ZRANB3: variants seen among roughly 807,000 people sequenced by gnomAD.
ZRANB3 encodes the protein zinc finger RANBP2-type containing 3, also known as DNA annealing helicase and endonuclease ZRANB3.
Under a neutral mutation model 133.8 loss-of-function variants are expected in ZRANB3, and 125 were observed. That is an observed-to-expected ratio of 0.93 (90% CI 0.81 to 1.08). The LOEUF (loss-of-function observed/expected upper bound fraction) is 1.08, where lower values mean the gene tolerates loss of function less well. Among genes scored for constraint, ZRANB3 ranks in the 50% least tolerant of loss-of-function variants. The pLI, the probability that ZRANB3 is intolerant of heterozygous loss-of-function variation, is 0.00. For missense variants in ZRANB3, 1,229 were observed against 1,275.5 expected (o/e 0.96, Z 0.56); for synonymous variants, 387 against 432.7 (o/e 0.89, Z 1.31).
intron 1 of ZRANB3, among the ~76,000 whole-genome samples, chr2:135,517,136 T>A (rs1263285182): frequency 6.6e-6 from 1 of 152,030 alleles, no homozygotes; most frequent in East Asian, 1.9e-4. Context: ...TCATTTATGT[T>A]CTTCTCTAAA....
Position 135,227,948 on chromosome 2 carries a change from G to A in ZRANB3, c.2022C>T (p.Thr674=), listed in dbSNP as rs568807221. The A allele has an allele frequency of 4.6e-5, 72 of 1,552,724 alleles. 1 individual carries two copies. In the South Asian group the frequency reaches 8.1e-4, roughly 17 times the overall value. Residue 674 remains threonine, a synonymous_variant, in exon 14 of 21, where the codon ACC becomes ACT. Coordinates refer to ENST00000264159, the MANE Select transcript of ZRANB3 (RefSeq NM_032143.4). ...KNEKDDSQKD[T]SKKVQTISDC... Reference sequence around the variant, plus strand: ...CTGAGATAGTTTGAACCTTTTTGGAGGTGTCTTTCTGAGAATCATCCTTCT... The same window carrying A: ...CTGAGATAGTTTGAACCTTTTTGGAAGTGTCTTTCTGAGAATCATCCTTCT...
chr2:135,516,290 T>C (rs143834184), intron 1 of ZRANB3, among the ~76,000 whole-genome samples: 3,969 of 152,272 alleles, frequency 0.026, 160 homozygotes, highest in African/African-American at 0.089. Context: ...TTGTTATATG[T>C]GAATCTGATC....
At chr2:135,468,981 C>T (rs759388735) in intron 2 of ZRANB3, among the ~76,000 whole-genome samples, 8 of 151,970 alleles carry the variant, frequency 5.3e-5, no homozygotes, top group Non-Finnish European at 7.4e-5. Context: ...GAACCATACA[C>T]GTTAAAGTAT....
chr2:135,499,387 A>G (rs1044521424), intron 2 of ZRANB3, among the ~76,000 whole-genome samples: 26 of 152,314 alleles, frequency 1.7e-4, no homozygotes, highest in African/African-American at 6.0e-4. Context: ...AGAAGACATC[A>G]TTAAGACAAG....
intron 3 of ZRANB3, among the ~76,000 whole-genome samples, chr2:135,366,474 T>C (rs139918262): frequency 6.6e-6 from 1 of 152,156 alleles, no homozygotes; most frequent in East Asian, 1.9e-4. Context: ...ATGAGTTGAG[T>C]AGTTTCAAAA....
rs769046931 is a variant in ZRANB3, at chr2:135,207,872, G to A, written c.2607-36C>T. 6 of 1,549,276 alleles carry A rather than the reference G, an allele frequency of 3.9e-6. No homozygotes were observed. In the East Asian group the frequency reaches 1.4e-4, roughly 35 times the overall value. ...TAAAAACACTGAATAGGTAACTAAT[G>A]AATGATTAGGCTAAATAGTAATTGC... On this transcript the variant is annotated intron_variant, in intron 18 of 20. Transcript: ENST00000264159.
At chr2:135,405,974 G>A (rs1300144634) in intron 2 of ZRANB3, among the ~76,000 whole-genome samples, 2 of 152,112 alleles carry the variant, frequency 1.3e-5, no homozygotes, top group South Asian at 2.1e-4. Context: ...TAAGATCAGA[G>A]TAGAACTGAA....
chr2:135,387,700 G>A (rs536864194), intron 3 of ZRANB3, among the ~76,000 whole-genome samples: 99 of 152,198 alleles, frequency 6.5e-4, no homozygotes, highest in African/African-American at 2.2e-3. Context: ...AAAGAGAGAA[G>A]TAATTAAGTA....
chr2:135,510,505 G>A (rs1284110709), intron 1 of ZRANB3: 11 of 579,158 alleles, frequency 1.9e-5, no homozygotes, highest in African/African-American at 3.8e-5. Flanking sequence ...CCATTCTGTA[G>A]GAGCTAGGGT....
intron 19 of ZRANB3, among the ~76,000 whole-genome samples, chr2:135,204,055 G>C (rs1693746157): frequency 1.3e-5 from 2 of 152,156 alleles, no homozygotes; most frequent in Non-Finnish European, 1.5e-5. Flanking sequence ...CTGGCCATGG[G>C]AACCCATGAT....
chr2:135,264,287 A>G (rs1430035358), intron 12 of ZRANB3, among the ~76,000 whole-genome samples: 4 of 151,708 alleles, frequency 2.6e-5, no homozygotes, highest in Non-Finnish European at 5.9e-5. Flanking sequence ...CCTGGCCAAC[A>G]TAGTGAAACC....
chr2:135,486,354 C>G (rs1237509749), intron 2 of ZRANB3, among the ~76,000 whole-genome samples: 1 of 152,174 alleles, frequency 6.6e-6, no homozygotes, highest in East Asian at 1.9e-4. Context: ...AGAATAGATT[C>G]CATCTCAAGA....
intron 19 of ZRANB3, among the ~76,000 whole-genome samples, chr2:135,203,630 A>G (rs1160574544): frequency 1.3e-5 from 2 of 151,840 alleles, no homozygotes; most frequent in Non-Finnish European, 2.9e-5. Context: ...AAAAAAAAAA[A>G]AAAGAAATTT....
chr2:135,418,927 T>TC (rs1174491099), intron 2 of ZRANB3, among the ~76,000 whole-genome samples: 25 of 74,060 alleles, frequency 3.4e-4, no homozygotes, highest in South Asian at 1.5e-3. Context: ...GATTCTCTCT[T>TC]TTTTTTTTTT....
At chr2:135,459,449 G>C (rs563581742) in intron 2 of ZRANB3, among the ~76,000 whole-genome samples, 17 of 152,250 alleles carry the variant, frequency 1.1e-4, no homozygotes, top group African/African-American at 3.4e-4. Context: ...AGAGAAGAAA[G>C]AATATTACTA....
chr2:135,312,781 C>G (rs866771376), intron 8 of ZRANB3, among the ~76,000 whole-genome samples: 1 of 151,854 alleles, frequency 6.6e-6, no homozygotes, highest in Non-Finnish European at 1.5e-5. Flanking sequence ...TTTGGAAAGC[C>G]AAGGTGGGTG....
At chr2:135,474,455 G>A (rs1318321799) in intron 2 of ZRANB3, among the ~76,000 whole-genome samples, 1 of 152,088 alleles carries the variant, frequency 6.6e-6, no homozygotes, top group African/African-American at 2.4e-5. Flanking sequence ...TGGGGGTGTG[G>A]TGCCCTCCCC....
rs929539428 is a variant in ZRANB3, at chr2:135,230,682, G to C, written c.1785C>G (p.Ser595=). The change falls in exon 13 of 21, where the codon TCC becomes TCG. Residue 595 remains serine, a synonymous_variant. Transcript: ENST00000264159. ...DHCSPSEETP[S]QSKQIRTPLV... is the part of the protein sequence containing the mutation. ...GTGGAGTTCGGATTTGCTTGGACTG[G>C]GATGGTGTCTCTTCCGACGGACTGC... 4 of 1,613,222 alleles carry C rather than the reference G, an allele frequency of 2.5e-6. No individual in the cohort carries two copies. In the African/African-American group the frequency reaches 5.3e-5, roughly 22 times the overall value.
intron 3 of ZRANB3, among the ~76,000 whole-genome samples, chr2:135,382,806 C>T (rs1247758607): frequency 6.6e-6 from 1 of 152,100 alleles, no homozygotes; most frequent in African/African-American, 2.4e-5. Context: ...ATTTTGTCAC[C>T]ACCAGGTCTG....
Sources: gnomAD v4.1 joint callset for allele counts (sites outside exome capture counted in the v4.1 genomes callset) on GRCh38, gnomAD v4.1.1 for gene constraint, MANE v1.5 for transcripts, NCBI Gene and HGNC (gene_info 2026-07-23, HGNC 2026-07-21) for gene names.